FHIT: variants seen among roughly 807,000 people sequenced by gnomAD.
FHIT encodes fragile histidine triad diadenosine triphosphatase, also known as bis(5'-adenosyl)-triphosphatase.
A neutral mutation model predicts 17.9 loss-of-function variants in FHIT; 19 were observed. The observed-to-expected ratio is 1.06, with a 90% CI of 0.74 to 1.56. The LOEUF is 1.56. Ranked by LOEUF, FHIT falls within the 40% of genes most tolerant of loss-of-function variation. FHIT has a pLI of 0.00. For synonymous variants in FHIT, 81 were observed against 69.7 expected, an observed-to-expected ratio of 1.16 and a Z score of -0.81; for missense variants, 248 against 189.2, an observed-to-expected ratio of 1.31 and a Z score of -1.82.
chr3:60,642,622 A>T (rs1483220794), intron 4 of FHIT, among the ~76,000 whole-genome samples: 1 of 152,206 alleles, frequency 6.6e-6, no homozygotes, highest in Non-Finnish European at 1.5e-5. Context: ...TGCATTTTCC[A>T]TTGGGCTTTA....
intron 8 of FHIT, among the ~76,000 whole-genome samples, chr3:59,800,563 G>A (rs928608075): frequency 6.6e-6 from 1 of 152,136 alleles, no homozygotes; most frequent in African/African-American, 2.4e-5. Flanking sequence ...AAGCTATAAT[G>A]AATTTCAGGT....
rs1358689667 is a variant in FHIT at position 60,432,183 on chromosome 3, C to T, written c.103+104677G>A. On this transcript the variant is annotated intron_variant, in intron 5 of 9. Transcript: ENST00000492590. ...TAGAGATAAGGTTTCATCATGTTGCCCAGGCTGGTCTTGAACTCCTGAGCT... is the reference window on the plus strand; with the variant it reads ...TAGAGATAAGGTTTCATCATGTTGCTCAGGCTGGTCTTGAACTCCTGAGCT... 2.6e-5 allele frequency among the ~76,000 whole-genome samples: 4 copies of T among 152,016 alleles called. No homozygotes were observed. In the East Asian group the frequency reaches 7.7e-4, roughly 29 times the overall value.
At chr3:60,421,466 T>C (rs1464615529) in intron 5 of FHIT, among the ~76,000 whole-genome samples, 4 of 152,162 alleles carry the variant, frequency 2.6e-5, no homozygotes, top group Admixed American at 2.6e-4. Flanking sequence ...CCAGAAATTT[T>C]AATTATTTTT....
chr3:60,820,958 C>T (rs1575565160), intron 4 of FHIT, among the ~76,000 whole-genome samples: 1 of 103,286 alleles, frequency 9.7e-6, no homozygotes, highest in African/African-American at 2.9e-5. Flanking sequence ...ATTGCTCCTA[C>T]TTTCTTGCTA....
chr3:59,850,788 G>A (rs1221600419), intron 8 of FHIT, among the ~76,000 whole-genome samples: 1 of 152,186 alleles, frequency 6.6e-6, no homozygotes, highest in Admixed American at 6.5e-5. Flanking sequence ...ACAAAAGCAA[G>A]AGTCTTTCTG....
intron 5 of FHIT, among the ~76,000 whole-genome samples, chr3:60,072,846 G>A (rs140491577): frequency 6.6e-6 from 1 of 152,268 alleles, no homozygotes; most frequent in Non-Finnish European, 1.5e-5. Flanking sequence ...GTCTATGTAT[G>A]CCTTCTTTTC....
At chr3:60,832,109 T>G (rs1364938412) in intron 3 of FHIT, among the ~76,000 whole-genome samples, 1 of 152,090 alleles carries the variant, frequency 6.6e-6, no homozygotes, top group Non-Finnish European at 1.5e-5. Context: ...TAATGCTCAT[T>G]ATGTGCTGGG....
intron 8 of FHIT, among the ~76,000 whole-genome samples, chr3:59,824,762 T>G (rs1419764680): frequency 2.0e-5 from 3 of 152,224 alleles, no homozygotes; most frequent in Non-Finnish European, 2.9e-5. Context: ...TAAATCAATA[T>G]GTTCAAAGTA....
At chr3:61,152,212 A>G (rs2037414290) in intron 2 of FHIT, among the ~76,000 whole-genome samples, 1 of 152,162 alleles carries the variant, frequency 6.6e-6, no homozygotes, top group Non-Finnish European at 1.5e-5. Flanking sequence ...AGTGAAGGGA[A>G]AGTAGATCAG....
At chr3:60,492,865 T>C (rs2034126795) in intron 5 of FHIT, among the ~76,000 whole-genome samples, 1 of 152,158 alleles carries the variant, frequency 6.6e-6, no homozygotes, top group African/African-American at 2.4e-5. Flanking sequence ...TGCATTCATG[T>C]GTCTTTATTC....
chr3:60,549,853 A>G (rs989659038), intron 4 of FHIT, among the ~76,000 whole-genome samples: 1 of 152,220 alleles, frequency 6.6e-6, no homozygotes, highest in African/African-American at 2.4e-5. Flanking sequence ...TTGTTATTTC[A>G]TTATGGCCAG....
intron 5 of FHIT, among the ~76,000 whole-genome samples, chr3:60,093,649 G>C (rs1703821667): frequency 1.3e-5 from 2 of 152,170 alleles, no homozygotes; most frequent in South Asian, 4.1e-4. Flanking sequence ...CCTGAGGTTA[G>C]CTTCCTATCA....
intron 5 of FHIT, among the ~76,000 whole-genome samples, chr3:60,378,248 C>T (rs1428263031): frequency 6.6e-6 from 1 of 152,080 alleles, no homozygotes; most frequent in Non-Finnish European, 1.5e-5. Flanking sequence ...TGATCTCGAT[C>T]TCCTGACCTC....
chr3:61,159,962 G>A (rs1363453153), intron 2 of FHIT, among the ~76,000 whole-genome samples: 1 of 152,140 alleles, frequency 6.6e-6, no homozygotes, highest in Non-Finnish European at 1.5e-5. Context: ...AAAAGACTGT[G>A]CCTTGAGTTT....
intron 5 of FHIT, among the ~76,000 whole-genome samples, chr3:60,333,045 A>C (rs1356517454): frequency 6.6e-6 from 1 of 152,212 alleles, no homozygotes; most frequent in Non-Finnish European, 1.5e-5. Context: ...ACAAGCTAAT[A>C]AACTGAAATG....
At chr3:60,338,091 C>G (rs1710331006) in intron 5 of FHIT, among the ~76,000 whole-genome samples, 1 of 152,078 alleles carries the variant, frequency 6.6e-6, no homozygotes, top group South Asian at 2.1e-4. Flanking sequence ...TGAGATGCAG[C>G]AGGGGACAGG....
chr3:60,993,428 G>A (rs1293567850), intron 3 of FHIT, among the ~76,000 whole-genome samples: 1 of 152,170 alleles, frequency 6.6e-6, no homozygotes, highest in Non-Finnish European at 1.5e-5. Context: ...CTTCTTCAGT[G>A]AAGTTCTGCT....
intron 4 of FHIT, among the ~76,000 whole-genome samples, chr3:60,634,148 A>T (rs542410203): frequency 7.3e-4 from 111 of 152,292 alleles, no homozygotes; most frequent in Non-Finnish European, 1.5e-3. Context: ...CTCATCTGTA[A>T]AATGGGTGAA....
chr3:60,832,050 T>C (rs1245311209), intron 3 of FHIT, among the ~76,000 whole-genome samples: 2 of 152,132 alleles, frequency 1.3e-5, no homozygotes, highest in Non-Finnish European at 2.9e-5. Flanking sequence ...GAGATAATAC[T>C]AGAGCCCTTA....
Sources: gnomAD v4.1 joint callset for allele counts (sites outside exome capture counted in the v4.1 genomes callset) on GRCh38, gnomAD v4.1.1 for gene constraint, MANE v1.5 for transcripts, NCBI Gene and HGNC (gene_info 2026-07-23, HGNC 2026-07-21) for gene names.